Variants in OR51C1 observed in about 807,000 individuals in gnomAD.
The protein encoded by OR51C1 is olfactory receptor OR51C1.
the OR51C1 span, chr11:4,690,456 G>A: frequency 6.1e-6 from 1 of 164,952 alleles, no homozygotes; most frequent in Non-Finnish European, 1.3e-5. Context: ...CAGAAAGGGT[G>A]TTGGCAGGGA....
At chr11:4,696,122 C>T in the OR51C1 span, among the ~76,000 whole-genome samples, 1 of 152,106 alleles carries the variant, frequency 6.6e-6, no homozygotes, top group East Asian at 1.9e-4. Flanking sequence ...TAATTGACAG[C>T]ATTTTGGAGA....
chr11:4,691,874 T>C, the OR51C1 span, among the ~76,000 whole-genome samples: 1 of 152,242 alleles, frequency 6.6e-6, no homozygotes, highest in Admixed American at 6.5e-5. Context: ...AGATTTCAAC[T>C]GCTGTAGTGG....
the OR51C1 span, among the ~76,000 whole-genome samples, chr11:4,694,291 C>T: frequency 6.6e-6 from 1 of 151,270 alleles, no homozygotes; most frequent in Admixed American, 6.6e-5. Context: ...TGTGTTGGGC[C>T]TAGCAAAAAA....
At chr11:4,691,466 A>C in the OR51C1 span, 1 of 456,674 alleles carries the variant, frequency 2.2e-6, no homozygotes, top group East Asian at 6.9e-5. Context: ...TGGTGACCAG[A>C]GTGGATATGG....
At chr11:4,694,540 G>GTA in the OR51C1 span, among the ~76,000 whole-genome samples, 214 of 125,546 alleles carry the variant, frequency 1.7e-3, 1 homozygote, top group South Asian at 2.8e-3. Flanking sequence ...ACATATATAC[G>GTA]TATATATATA....
chr11:4,697,341 G>T, the OR51C1 span, among the ~76,000 whole-genome samples: 1 of 152,144 alleles, frequency 6.6e-6, no homozygotes, highest in East Asian at 1.9e-4. Context: ...TTCGAAATTG[G>T]TAACTTTTCA....
chr11:4,696,207 C>T, the OR51C1 span, among the ~76,000 whole-genome samples: 1 of 152,206 alleles, frequency 6.6e-6, no homozygotes, highest in Admixed American at 6.5e-5. Flanking sequence ...ACATCTCTAC[C>T]CATCATCACT....
chr11:4,692,020 A>G, the OR51C1 span: 1 of 339,006 alleles, frequency 2.9e-6, no homozygotes, highest in South Asian at 2.5e-5. Context: ...AAGAATAAAC[A>G]CTTTACCCTG....
At chr11:4,690,832 G>C in the OR51C1 span, 20 of 454,166 alleles carry the variant, frequency 4.4e-5, no homozygotes, top group African/African-American at 3.0e-4. Flanking sequence ...TAGATGACAG[G>C]GTTCATCAAA....
At chr11:4,694,539 C>T in the OR51C1 span, among the ~76,000 whole-genome samples, 41 of 136,162 alleles carry the variant, frequency 3.0e-4, no homozygotes, top group South Asian at 6.8e-3. Flanking sequence ...CACATATATA[C>T]GTATATATAT....
the OR51C1 span, among the ~76,000 whole-genome samples, chr11:4,696,701 T>C: frequency 6.6e-6 from 1 of 152,206 alleles, no homozygotes; most frequent in Admixed American, 6.5e-5. Flanking sequence ...TATACTTTCA[T>C]TTTCTCTCTT....
the OR51C1 span, chr11:4,692,089 G>A: frequency 3.3e-5 from 14 of 426,508 alleles, no homozygotes; most frequent in South Asian, 2.4e-4. Flanking sequence ...AAGAGGTAGT[G>A]CATTATTTTT....
chr11:4,694,149 C>T, the OR51C1 span, among the ~76,000 whole-genome samples: 1 of 152,110 alleles, frequency 6.6e-6, no homozygotes, highest in Admixed American at 6.5e-5. Flanking sequence ...TTCTTCATAT[C>T]TCCCATTACC....
chr11:4,693,250 A>G, the OR51C1 span, among the ~76,000 whole-genome samples: 1 of 152,232 alleles, frequency 6.6e-6, no homozygotes, highest in Non-Finnish European at 1.5e-5. Context: ...AACTAGAAAT[A>G]AGATAAAATG....
chr11:4,692,868 G>A, the OR51C1 span, among the ~76,000 whole-genome samples: 1 of 150,918 alleles, frequency 6.6e-6, no homozygotes, highest in African/African-American at 2.4e-5. Context: ...AAAAGGGGGG[G>A]TGGGGGTGTG....
the OR51C1 span, chr11:4,691,545 G>C: frequency 3.4e-4 from 157 of 457,118 alleles, no homozygotes; most frequent in African/African-American, 3.0e-3. Flanking sequence ...GCTGGGCTGA[G>C]TGATGGTAGC....
chr11:4,693,024 G>C, the OR51C1 span, among the ~76,000 whole-genome samples: 2 of 152,140 alleles, frequency 1.3e-5, no homozygotes, highest in African/African-American at 4.8e-5. Context: ...TATCTAAAAT[G>C]TATGATCAAA....
the OR51C1 span, chr11:4,692,164 T>A: frequency 1.8e-4 from 83 of 453,490 alleles, 1 homozygote; most frequent in South Asian, 1.3e-3. Flanking sequence ...ACATTGGTCA[T>A]AAGTGTGGAA....
chr11:4,692,732 C>A, the OR51C1 span, among the ~76,000 whole-genome samples: 4 of 151,658 alleles, frequency 2.6e-5, no homozygotes, highest in Non-Finnish European at 5.9e-5. Flanking sequence ...AGAAAGGGTG[C>A]TGGGTGGCTG....
Sources: allele counts gnomAD v4.1 joint callset (sites outside exome capture counted in the v4.1 genomes callset), GRCh38; gene constraint gnomAD v4.1.1; transcripts MANE v1.5; gene names NCBI Gene and HGNC (gene_info 2026-07-23, HGNC 2026-07-21).